Variants in GRM8 observed in about 807,000 individuals in gnomAD.
The protein encoded by GRM8 is metabotropic glutamate receptor 8.
In GRM8, 47 loss-of-function variants were observed where a neutral mutation model predicts 87.2. The observed-to-expected ratio is 0.54, with a 90% CI of 0.43 to 0.69. The LOEUF is 0.69. GRM8 is among the 30% of genes least tolerant of loss of function. The probability of loss-of-function intolerance (pLI) is 0.00; values close to 1 mark genes in which losing one functional copy is unlikely to be tolerated. For missense variants in GRM8, 1,019 were observed against 1,139.2 expected (o/e 0.89, Z 1.52); for synonymous variants, 396 against 404.5 (o/e 0.98, Z 0.25).
chr7:126,906,993 C>G (rs1311271779), intron 3 of GRM8, among the ~76,000 whole-genome samples: 1 of 152,014 alleles, frequency 6.6e-6, no homozygotes, highest in Non-Finnish European at 1.5e-5. Context: ...AAGAAATTCT[C>G]TAAGTTCACA....
At chr7:127,014,271 A>G (rs1210256248) in intron 3 of GRM8, among the ~76,000 whole-genome samples, 1 of 152,128 alleles carries the variant, frequency 6.6e-6, no homozygotes, top group Non-Finnish European at 1.5e-5. Context: ...TGCCTTTTTC[A>G]TCCCATTTAT....
intron 7 of GRM8, among the ~76,000 whole-genome samples, chr7:126,727,704 TACACACACACACACACAC>T (rs3038844): frequency 7.1e-6 from 1 of 141,772 alleles, no homozygotes; most frequent in African/African-American, 2.6e-5. Context: ...TCTGAAATCA[TACACACACACACACACAC>T]ACACACACAC....
chr7:126,904,097 T>C lies in GRM8; in HGVS notation c.893A>G (p.Asn298Ser), dbSNP rs1586397104. ...AATCCAGAGAAAATGCCCACTTTGGTTTAGTTTTTTTGCTGCTTCCAATAT... is the reference window on the plus strand; with the variant it reads ...AATCCAGAGAAAATGCCCACTTTGGCTTAGTTTTTTTGCTGCTTCCAATAT... ...RRILEAAKKL[N>S]QSGHFLWIGS... The change falls in exon 5 of 11, where the codon AAC (asparagine) becomes AGC (serine). Residue 298 changes from asparagine (N) to serine (S), a missense_variant. Transcript: ENST00000339582. The C allele has an allele frequency of 3.1e-6, 5 of 1,611,800 alleles. No individual in the cohort carries two copies. Among genetic ancestry groups the C allele is most frequent in the Non-Finnish European group, 4.2e-6 (5 of 1,178,684 alleles).
intron 7 of GRM8, among the ~76,000 whole-genome samples, chr7:126,632,516 G>C (rs1486078225): frequency 6.6e-6 from 1 of 152,076 alleles, no homozygotes; most frequent in African/African-American, 2.4e-5. Flanking sequence ...ATTTGACCCA[G>C]CAATCCTATT....
intron 4 of GRM8, among the ~76,000 whole-genome samples, 193 bp from the exon 5 acceptor site, chr7:126,904,319 T>G (rs1023051562): frequency 1.1e-4 from 16 of 152,322 alleles, no homozygotes; most frequent in Non-Finnish European, 1.8e-4. Flanking sequence ...CAACATATGT[T>G]AATTAGCCTT....
At chr7:126,491,528 A>G (rs1324045872) in intron 9 of GRM8, among the ~76,000 whole-genome samples, 1 of 152,058 alleles carries the variant, frequency 6.6e-6, no homozygotes, top group Non-Finnish European at 1.5e-5. Flanking sequence ...TGCAAATGTA[A>G]ATGTACAGAA....
chr7:126,835,376 C>A (rs1448532129), intron 6 of GRM8, among the ~76,000 whole-genome samples: 4 of 152,034 alleles, frequency 2.6e-5, no homozygotes, highest in Non-Finnish European at 5.9e-5. Flanking sequence ...AGATGAGGAC[C>A]TTCTTGATAC....
intron 3 of GRM8, among the ~76,000 whole-genome samples, chr7:127,098,062 A>G (rs1402426263): frequency 2.0e-5 from 3 of 152,212 alleles, no homozygotes; most frequent in Non-Finnish European, 4.4e-5. Flanking sequence ...TTGGATCCCT[A>G]TAAAGCTTCT....
chr7:126,655,715 A>G (rs1804449869), intron 7 of GRM8, among the ~76,000 whole-genome samples: 1 of 152,218 alleles, frequency 6.6e-6, no homozygotes, highest in African/African-American at 2.4e-5. Flanking sequence ...TTATCAAATA[A>G]TGTCCAAAAT....
chr7:126,910,658 ATACTACCTAGGCCTTAGTG>A (rs1403841831), intron 3 of GRM8, among the ~76,000 whole-genome samples: 1 of 152,214 alleles, frequency 6.6e-6, no homozygotes, highest in Non-Finnish European at 1.5e-5. Context: ...ATGAATTAGA[ATACTACCTAGGCCTTAGTG>A]TATTCATCTG....
intron 7 of GRM8, among the ~76,000 whole-genome samples, chr7:126,765,251 C>T (rs1818066589): frequency 6.6e-6 from 1 of 151,966 alleles, no homozygotes; most frequent in Non-Finnish European, 1.5e-5. Flanking sequence ...AGCAGACAGA[C>T]AGAAAGACAG....
At chr7:126,907,702 A>G (rs1289235197) in intron 3 of GRM8, among the ~76,000 whole-genome samples, 3 of 152,174 alleles carry the variant, frequency 2.0e-5, no homozygotes, top group Non-Finnish European at 2.9e-5. Context: ...GCCCATAGGA[A>G]TATGTCTCAT....
intron 7 of GRM8, among the ~76,000 whole-genome samples, chr7:126,757,033 T>C (rs1274059159): frequency 6.6e-6 from 1 of 152,130 alleles, no homozygotes; most frequent in African/African-American, 2.4e-5. Flanking sequence ...AGATATTAAA[T>C]GTTATTTCAT....
intron 6 of GRM8, among the ~76,000 whole-genome samples, chr7:126,786,025 G>A (rs1365704517): frequency 1.3e-5 from 2 of 151,916 alleles, no homozygotes; most frequent in African/African-American, 4.8e-5. Context: ...TGGAGCACTA[G>A]GAAAACCATA....
At chr7:126,717,958 C>T (rs960578895) in intron 7 of GRM8, among the ~76,000 whole-genome samples, 4 of 152,076 alleles carry the variant, frequency 2.6e-5, no homozygotes, top group Non-Finnish European at 4.4e-5. Context: ...GTTGGCCGGG[C>T]GTGGTGGCTC....
intron 3 of GRM8, among the ~76,000 whole-genome samples, chr7:127,043,771 AAT>A: frequency 6.6e-6 from 1 of 152,350 alleles, no homozygotes. Flanking sequence ...TAATAAAAAA[AAT>A]AAAATAAAAA....
chr7:127,222,967 G>C lies in GRM8; in HGVS notation c.510+19728C>G, dbSNP rs188738590. 1.9e-3 allele frequency among the ~76,000 whole-genome samples: 291 copies of C among 152,224 alleles called. 3 individuals are homozygous for C. The highest frequency in any genetic ancestry group is 0.017 in the Admixed American group (266 of 15,288). On this transcript the variant is annotated intron_variant, in intron 2 of 10. Coordinates refer to ENST00000339582, the MANE Select transcript of GRM8 (RefSeq NM_000845.3). Reference sequence around the variant, plus strand: ...AAGCTTCGTACAAGAATTAATGGACGTTCTCAAAAGTACACCCTGTTCTCT... The same window carrying C: ...AAGCTTCGTACAAGAATTAATGGACCTTCTCAAAAGTACACCCTGTTCTCT...
chr7:126,646,826 A>G (rs1226822281), intron 7 of GRM8, among the ~76,000 whole-genome samples: 1 of 152,162 alleles, frequency 6.6e-6, no homozygotes, highest in African/African-American at 2.4e-5. Context: ...CAGTTTTTAT[A>G]GCTGGTAATA....
intron 3 of GRM8, among the ~76,000 whole-genome samples, chr7:126,951,131 A>G (rs1427530406): frequency 6.6e-6 from 1 of 151,502 alleles, no homozygotes; most frequent in Non-Finnish European, 1.5e-5. Flanking sequence ...ATGTACTGTT[A>G]AGGTAAAAAA....
Sources: gnomAD v4.1 joint callset for allele counts (sites outside exome capture counted in the v4.1 genomes callset) on GRCh38, gnomAD v4.1.1 for gene constraint, MANE v1.5 for transcripts, NCBI Gene and HGNC (gene_info 2026-07-23, HGNC 2026-07-21) for gene names.